CNTNAP2: variants seen among roughly 807,000 people sequenced by gnomAD.
CNTNAP2 encodes the protein contactin associated protein 2.
A neutral mutation model predicts 155.2 loss-of-function variants in CNTNAP2; 98 were observed. The observed-to-expected ratio is 0.63, with a 90% CI of 0.54 to 0.75. The LOEUF (loss-of-function observed/expected upper bound fraction) is 0.75. Among genes scored for constraint, CNTNAP2 ranks in the 30% least tolerant of loss-of-function variants. The pLI, the probability that CNTNAP2 is intolerant of heterozygous loss-of-function variation, is 0.00. For missense variants in CNTNAP2, 1,727 were observed against 1,688.1 expected, an observed-to-expected ratio of 1.02 and a Z score of -0.40; for synonymous variants, 651 against 631.2, an observed-to-expected ratio of 1.03 and a Z score of -0.47.
At chr7:147,031,459 A>T (rs1029892557) in intron 3 of CNTNAP2, among the ~76,000 whole-genome samples, 2 of 152,234 alleles carry the variant, frequency 1.3e-5, no homozygotes, top group African/African-American at 4.8e-5. Context: ...CCCAGTATCT[A>T]TCAATACAAA....
chr7:146,444,615 C>T (rs1301050302), intron 1 of CNTNAP2, among the ~76,000 whole-genome samples: 1 of 151,654 alleles, frequency 6.6e-6, no homozygotes, highest in Admixed American at 6.6e-5. Context: ...GATTACATGA[C>T]ATTTTCCAAG....
At chr7:148,017,361 G>T (rs778724151) in intron 15 of CNTNAP2, among the ~76,000 whole-genome samples, 1 of 152,274 alleles carries the variant, frequency 6.6e-6, no homozygotes, top group Non-Finnish European at 1.5e-5. Flanking sequence ...AAGTGAAGCA[G>T]ATATGAGAGA....
At chr7:147,777,449 A>T (rs1797601905) in intron 13 of CNTNAP2, among the ~76,000 whole-genome samples, 2 of 152,190 alleles carry the variant, frequency 1.3e-5, no homozygotes, top group African/African-American at 4.8e-5. Context: ...TACAAATGTC[A>T]TCTCTACAGA....
chr7:147,774,071 CT>C (rs34326975), intron 13 of CNTNAP2, among the ~76,000 whole-genome samples: 2,007 of 152,130 alleles, frequency 0.013, 102 homozygotes, highest in Admixed American at 0.089. Context: ...TCCTTACTTC[CT>C]TTTGCCATCT....
intron 1 of CNTNAP2, among the ~76,000 whole-genome samples, chr7:146,407,987 T>TA (rs770342747): frequency 1.1e-4 from 16 of 152,100 alleles, no homozygotes; most frequent in Non-Finnish European, 1.9e-4. Flanking sequence ...ACTTATAAAA[T>TA]AAAAAAATGT....
At chr7:147,409,243 C>T (rs998678196) in intron 10 of CNTNAP2, among the ~76,000 whole-genome samples, 1 of 152,034 alleles carries the variant, frequency 6.6e-6, no homozygotes, top group African/African-American at 2.4e-5. Context: ...GATAGAAGTG[C>T]AGGTACACTT....
chr7:147,486,135 C>T lies in CNTNAP2; in HGVS notation c.1777+94C>T, dbSNP rs906910506. The T allele has an allele frequency of 3.2e-6, 3 of 924,604 alleles. No individual in the cohort carries two copies. In the African/African-American group the frequency reaches 5.0e-5, roughly 15 times the overall value. The allele number at this position is 924,604 out of a possible 1,614,324, so 57.3% of individuals were successfully genotyped here. On this transcript the variant is annotated intron_variant, in intron 11 of 23. Transcript: ENST00000361727. ...GAAGCTCAGCAACCTGAATAATCCA[C>T]ATAATACATCACTCGAATCTGAAAA...
chr7:146,184,653 G>T (rs1343808782), intron 1 of CNTNAP2, among the ~76,000 whole-genome samples: 1 of 152,266 alleles, frequency 6.6e-6, no homozygotes, highest in East Asian at 1.9e-4. Context: ...TTCCCCAGGT[G>T]GATATTGGTA....
intron 13 of CNTNAP2, among the ~76,000 whole-genome samples, chr7:147,649,638 C>A (rs904497549): frequency 1.2e-4 from 18 of 151,882 alleles, no homozygotes; most frequent in Non-Finnish European, 2.5e-4. Context: ...TATAGAGTTG[C>A]ATTTAAACTA....
chr7:147,957,011 T>C (rs1801026637), intron 14 of CNTNAP2, among the ~76,000 whole-genome samples: 1 of 152,184 alleles, frequency 6.6e-6, no homozygotes, highest in African/African-American at 2.4e-5. Flanking sequence ...TTTTACTGCT[T>C]AGATGCGGTA....
intron 1 of CNTNAP2, among the ~76,000 whole-genome samples, chr7:146,733,319 A>C (rs1375415589): frequency 1.3e-5 from 2 of 152,154 alleles, no homozygotes; most frequent in Non-Finnish European, 2.9e-5. Flanking sequence ...ATAGGAAATA[A>C]ATCATAAAAA....
At chr7:148,144,764 G>A (rs939807887) in intron 16 of CNTNAP2, among the ~76,000 whole-genome samples, 4 of 152,100 alleles carry the variant, frequency 2.6e-5, no homozygotes, top group African/African-American at 7.2e-5. Context: ...TTTTTCACAG[G>A]CAGAAACAGG....
At chr7:146,362,168 C>G (rs1160161634) in intron 1 of CNTNAP2, among the ~76,000 whole-genome samples, 1 of 152,064 alleles carries the variant, frequency 6.6e-6, no homozygotes, top group African/African-American at 2.4e-5. Flanking sequence ...AACTACTTTA[C>G]TATATGTTAT....
At chr7:146,647,678 T>C (rs1799838228) in intron 1 of CNTNAP2, among the ~76,000 whole-genome samples, 1 of 152,160 alleles carries the variant, frequency 6.6e-6, no homozygotes, top group Non-Finnish European at 1.5e-5. Context: ...AAGGTCTTAC[T>C]TGATAAACAG....
intron 9 of CNTNAP2, among the ~76,000 whole-genome samples, chr7:147,309,497 T>C (rs1461342515): frequency 6.6e-6 from 1 of 152,116 alleles, no homozygotes; most frequent in South Asian, 2.1e-4. Context: ...TTGTTTTATA[T>C]TTTTCTTAGT....
At chr7:147,983,521 C>A (rs1289043614) in intron 15 of CNTNAP2, among the ~76,000 whole-genome samples, 2 of 152,068 alleles carry the variant, frequency 1.3e-5, no homozygotes, top group South Asian at 4.1e-4. Flanking sequence ...GATGAGTGGC[C>A]ATGGCCCAAG....
At chr7:146,781,191 A>G (rs1216533563) in intron 2 of CNTNAP2, among the ~76,000 whole-genome samples, 1 of 148,896 alleles carries the variant, frequency 6.7e-6, no homozygotes, top group South Asian at 2.1e-4. Flanking sequence ...TCGCGCCACT[A>G]CACTCCAGCC....
intron 1 of CNTNAP2, among the ~76,000 whole-genome samples, chr7:146,369,281 CA>C (rs1180585441): frequency 6.6e-6 from 1 of 151,904 alleles, no homozygotes; most frequent in Non-Finnish European, 1.5e-5. Flanking sequence ...CACAGGAAGT[CA>C]TCTTGTGGAT....
chr7:147,865,372 A>G lies in CNTNAP2; in HGVS notation c.2099-38193A>G, dbSNP rs1291215948. On this transcript the variant is annotated intron_variant, in intron 13 of 23. Transcript: ENST00000361727. The stretch of plus-strand genomic sequence containing the variant: ...TTCCCCATCGATGCTTACCAGGGAT[A>G]TTGGTCTAAAATTCTCTTTTTTTGT... Among the ~76,000 whole-genome samples, 3 of 152,244 alleles carry G rather than the reference A, an allele frequency of 2.0e-5. No individual in the cohort carries two copies. In the South Asian group the frequency reaches 6.2e-4, roughly 32 times the overall value.
Sources: gnomAD v4.1 joint callset for allele counts (sites outside exome capture counted in the v4.1 genomes callset) on GRCh38, gnomAD v4.1.1 for gene constraint, MANE v1.5 for transcripts, NCBI Gene and HGNC (gene_info 2026-07-23, HGNC 2026-07-21) for gene names.